PARD3B: variants seen among roughly 807,000 people sequenced by gnomAD.
The protein encoded by PARD3B is partitioning defective 3 homolog B.
A neutral mutation model predicts 130.2 loss-of-function variants in PARD3B; 103 were observed. The observed-to-expected ratio is 0.79, with a 90% CI of 0.67 to 0.93. PARD3B has a LOEUF of 0.93. PARD3B is among the 40% of genes least tolerant of loss of function. The pLI is 0.00. For synonymous variants in PARD3B, 583 were observed against 553.2 expected, an observed-to-expected ratio of 1.05 and a Z score of -0.76; for missense variants, 1,609 against 1,499.2, an observed-to-expected ratio of 1.07 and a Z score of -1.21.
intron 2 of PARD3B, among the ~76,000 whole-genome samples, chr2:204,763,037 T>G (rs149451076): frequency 0.012 from 1,781 of 152,156 alleles, 27 homozygotes; most frequent in African/African-American, 0.041. Flanking sequence ...TGGGATTACA[T>G]GCGTGAGCCA....
intron 2 of PARD3B, among the ~76,000 whole-genome samples, chr2:204,706,593 T>C (rs1008264792): frequency 6.6e-6 from 1 of 151,844 alleles, no homozygotes; most frequent in Non-Finnish European, 1.5e-5. Flanking sequence ...ATAAGTCGAG[T>C]TGGACATGAG....
chr2:205,088,783 G>A (rs1038843038), intron 4 of PARD3B, among the ~76,000 whole-genome samples: 4 of 141,274 alleles, frequency 2.8e-5, no homozygotes, highest in Non-Finnish European at 4.5e-5. Context: ...ATAGAATGGT[G>A]CAACACTTAT....
chr2:205,278,953 C>A (rs528512696), intron 16 of PARD3B, among the ~76,000 whole-genome samples: 2 of 151,108 alleles, frequency 1.3e-5, no homozygotes, highest in African/African-American at 4.9e-5. Context: ...CGTCTGTAAT[C>A]CCAGCTACTC....
intron 2 of PARD3B, among the ~76,000 whole-genome samples, chr2:204,777,633 G>T (rs116677906): frequency 6.6e-6 from 1 of 152,122 alleles, no homozygotes; most frequent in Non-Finnish European, 1.5e-5. Context: ...GCCAGGAATT[G>T]TGGTGCATGC....
At chr2:205,079,568 G>C (rs555951631) in intron 4 of PARD3B, among the ~76,000 whole-genome samples, 9 of 152,290 alleles carry the variant, frequency 5.9e-5, no homozygotes, top group Middle Eastern at 3.4e-3. Flanking sequence ...GATCACTCAA[G>C]ACCTGATCAC....
intron 22 of PARD3B, among the ~76,000 whole-genome samples, chr2:205,555,148 C>T (rs755082162): frequency 6.6e-6 from 1 of 152,192 alleles, no homozygotes; most frequent in Non-Finnish European, 1.5e-5. Flanking sequence ...AAAAGGAAAA[C>T]TGGAAACAGT....
At chr2:205,456,775 A>G (rs1221290152) in intron 20 of PARD3B, among the ~76,000 whole-genome samples, 4 of 150,568 alleles carry the variant, frequency 2.7e-5, no homozygotes, top group Non-Finnish European at 5.9e-5. Flanking sequence ...TAGTCATAGT[A>G]TATAATTAAA....
intron 18 of PARD3B, among the ~76,000 whole-genome samples, chr2:205,390,737 C>A (rs976677252): frequency 1.3e-5 from 2 of 152,072 alleles, no homozygotes; most frequent in Non-Finnish European, 2.9e-5. Context: ...AAAAAAAAAT[C>A]ATTTCTTCAT....
At chr2:204,867,080 T>C (rs1421876914) in intron 2 of PARD3B, among the ~76,000 whole-genome samples, 1 of 151,636 alleles carries the variant, frequency 6.6e-6, no homozygotes, top group Non-Finnish European at 1.5e-5. Context: ...TCGCAAAAAA[T>C]AAATAAATAA....
chr2:204,602,445 TA>T (rs879706193), intron 1 of PARD3B, among the ~76,000 whole-genome samples: 33 of 150,602 alleles, frequency 2.2e-4, no homozygotes, highest in Middle Eastern at 3.4e-3. Flanking sequence ...AAAAACAGTT[TA>T]AAAAAAAATA....
chr2:205,307,180 T>C (rs1424596098), intron 18 of PARD3B, among the ~76,000 whole-genome samples: 1 of 152,242 alleles, frequency 6.6e-6, no homozygotes, highest in African/African-American at 2.4e-5. Flanking sequence ...GTTTGCACTT[T>C]TCTGATATTA....
At chr2:205,583,584 C>G (rs2054084179) in intron 22 of PARD3B, among the ~76,000 whole-genome samples, 1 of 152,124 alleles carries the variant, frequency 6.6e-6, no homozygotes, top group Non-Finnish European at 1.5e-5. Flanking sequence ...CTCATTTAAT[C>G]CTCACCACAT....
intron 3 of PARD3B, among the ~76,000 whole-genome samples, chr2:204,975,439 A>G (rs1331898045): frequency 1.3e-5 from 2 of 152,208 alleles, no homozygotes; most frequent in East Asian, 1.9e-4. Context: ...GCATCCATCC[A>G]TCCATCCTTC....
intron 2 of PARD3B, among the ~76,000 whole-genome samples, chr2:204,925,291 A>G (rs763966467): frequency 2.0e-5 from 3 of 152,152 alleles, no homozygotes; most frequent in Non-Finnish European, 4.4e-5. Flanking sequence ...TCCTATGATG[A>G]TGGTGGCTAT....
intron 10 of PARD3B, among the ~76,000 whole-genome samples, chr2:205,145,077 A>G (rs1404804382): frequency 6.6e-6 from 1 of 152,150 alleles, no homozygotes; most frequent in Non-Finnish European, 1.5e-5. Context: ...TTGAGATGTA[A>G]TCCCTGCCTT....
intron 1 of PARD3B, among the ~76,000 whole-genome samples, chr2:204,612,112 T>C (rs1286941459): frequency 6.6e-6 from 1 of 152,238 alleles, no homozygotes; most frequent in Non-Finnish European, 1.5e-5. Context: ...GTTTCTTATT[T>C]ATAGGAGTAT....
chr2:204,555,520 T>G (rs2030859161), intron 1 of PARD3B, among the ~76,000 whole-genome samples: 1 of 152,192 alleles, frequency 6.6e-6, no homozygotes, highest in African/African-American at 2.4e-5. Context: ...AGTGCATCAC[T>G]GCACTCCAGC....
chr2:205,141,064 A>C (rs1332795668), intron 10 of PARD3B, among the ~76,000 whole-genome samples: 4 of 152,184 alleles, frequency 2.6e-5, no homozygotes, highest in Non-Finnish European at 4.4e-5. Context: ...TAACAAGAAA[A>C]TAATTGGTCA....
intron 2 of PARD3B, among the ~76,000 whole-genome samples, chr2:204,871,106 A>G (rs1257464542): frequency 1.3e-5 from 2 of 152,146 alleles, no homozygotes; most frequent in Non-Finnish European, 2.9e-5. Flanking sequence ...ATGACTTTAG[A>G]TGTTCTTCCT....
Sources: gnomAD v4.1 joint callset for allele counts (sites outside exome capture counted in the v4.1 genomes callset) on GRCh38, gnomAD v4.1.1 for gene constraint, MANE v1.5 for transcripts, NCBI Gene and HGNC (gene_info 2026-07-23, HGNC 2026-07-21) for gene names.